The following RPS6KA2 variants were observed in gnomAD, a reference collection of about 807,000 sequenced individuals.
The protein encoded by RPS6KA2 is ribosomal protein S6 kinase alpha-2.
In RPS6KA2, 42 loss-of-function variants were observed where a neutral mutation model predicts 91.8. The observed-to-expected ratio is 0.46, with a 90% CI of 0.36 to 0.59. RPS6KA2 has a LOEUF of 0.59. Ranked by LOEUF, RPS6KA2 falls within the 20% of genes least tolerant of loss-of-function variation. The pLI is 0.00. For missense variants in RPS6KA2, 798 were observed against 978.5 expected (o/e 0.82, Z 2.46); for synonymous variants, 414 against 393.6 (o/e 1.05, Z -0.61).
intron 10 of RPS6KA2, among the ~76,000 whole-genome samples, chr6:166,475,209 C>T (rs2128467187): frequency 1.3e-5 from 2 of 152,198 alleles, no homozygotes; most frequent in Middle Eastern, 6.8e-3. Context: ...TACAGCCACC[C>T]CAGGGTCTTT....
rs963292594 is a variant in RPS6KA2, at chr6:166,839,277, T to A, written c.123+18923A>T. On this transcript the variant is annotated intron_variant, in intron 2 of 21. Coordinates refer to the RPS6KA2 transcript ENST00000503859. ...ATGTTCAAAGTAGCTTCCTGCATTG[T>A]TCCGTGAATTCATGGCTATATATTT... is the stretch of plus-strand genomic sequence containing the variant. Among the ~76,000 whole-genome samples the A allele has an allele frequency of 3.9e-5, 6 of 152,294 alleles. No individual in the cohort carries two copies. In the East Asian group the frequency reaches 1.2e-3, roughly 30 times the overall value.
chr6:166,729,863 T>C (rs1790458345), intron 2 of RPS6KA2, among the ~76,000 whole-genome samples: 1 of 152,180 alleles, frequency 6.6e-6, no homozygotes, highest in Admixed American at 6.5e-5. Context: ...CCACTTCCTG[T>C]GTGTGACGAA....
At chr6:166,558,072 A>G (rs1048911716) in intron 1 of RPS6KA2, among the ~76,000 whole-genome samples, 3 of 151,952 alleles carry the variant, frequency 2.0e-5, no homozygotes, top group Non-Finnish European at 4.4e-5. Flanking sequence ...TTGTATGTGT[A>G]TATATATAGG....
intron 2 of RPS6KA2, among the ~76,000 whole-genome samples, chr6:166,751,351 C>T (rs1225049869): frequency 6.6e-6 from 1 of 152,248 alleles, no homozygotes; most frequent in Non-Finnish European, 1.5e-5. Flanking sequence ...GCCAGGGTCC[C>T]GTCAAACGCA....
intron 2 of RPS6KA2, among the ~76,000 whole-genome samples, chr6:166,829,014 A>G (rs1780113587): frequency 6.6e-6 from 1 of 152,234 alleles, no homozygotes; most frequent in South Asian, 2.1e-4. Context: ...TAACCCAATT[A>G]AAAAATAGCA....
intron 2 of RPS6KA2, among the ~76,000 whole-genome samples, chr6:166,802,053 C>T (rs914887816): frequency 1.3e-4 from 19 of 151,690 alleles, no homozygotes; most frequent in African/African-American, 4.1e-4. Flanking sequence ...GTCAGGAGAT[C>T]GAGACCATCC....
intron 2 of RPS6KA2, among the ~76,000 whole-genome samples, chr6:166,703,641 T>G (rs1789596578): frequency 6.6e-6 from 1 of 152,238 alleles, no homozygotes; most frequent in Non-Finnish European, 1.5e-5. Flanking sequence ...AGTCTTTCTC[T>G]TGGTTGCTCA....
In RPS6KA2 at chr6:166,500,910, T is replaced by G; in HGVS notation, c.581A>C (p.Glu194Ala). ...ACCTGTGATCTTAATGTGCCCCTCT[T>G]CATCCAGGAGGATGCTAAAAGAAAG... ...DLKPENILLD[E>A]EGHIKITDFG... The change falls in exon 7 of 21, where the codon GAA (glutamate) becomes GCA (alanine). Residue 194 changes from glutamate (E) to alanine (A), a missense_variant. Coordinates refer to ENST00000265678, the MANE Select transcript of RPS6KA2 (RefSeq NM_021135.6). This position sits in a 1 kb window ranked among gnomAD's most constrained non-coding sequence, Gnocchi z 4.3. The G allele has an allele frequency of 6.2e-7, 1 of 1,614,032 alleles. No homozygotes were observed. Among genetic ancestry groups the G allele is most frequent in the Non-Finnish European group, 8.5e-7 (1 of 1,179,936 alleles).
intron 2 of RPS6KA2, among the ~76,000 whole-genome samples, chr6:166,818,057 T>C (rs1233615479): frequency 1.3e-5 from 2 of 152,270 alleles, no homozygotes; most frequent in African/African-American, 2.4e-5. Context: ...TGCAGATATA[T>C]TGACATTTCA....
At chr6:166,415,873 C>T (rs1413111202) in intron 19 of RPS6KA2, among the ~76,000 whole-genome samples, 1 of 151,004 alleles carries the variant, frequency 6.6e-6, no homozygotes, top group African/African-American at 2.4e-5. Flanking sequence ...ATCACCCCCA[C>T]CATAATCTTC....
Position 166,726,845 on chromosome 6 carries a change from G to C in RPS6KA2, c.123+131355C>G, listed in dbSNP as rs1457640208. On this transcript the variant is annotated intron_variant, in intron 2 of 21. Transcript: ENST00000503859. The surrounding 1 kb of genome is among the most constrained non-coding windows in gnomAD (Gnocchi z 4.4). ...CACCAGGGAGGTGACGGGTCTCAGG[G>C]AGTGTGTCTGGCGGGTGGGGAGGAA... Among the ~76,000 whole-genome samples, 3 of 152,222 alleles carry C rather than the reference G, an allele frequency of 2.0e-5. No homozygotes were observed. The highest frequency in any genetic ancestry group is 4.8e-5 in the African/African-American group (2 of 41,460).
chr6:166,701,404 T>G, intron 2 of RPS6KA2: 1 of 1,305,194 alleles, frequency 7.7e-7, no homozygotes, highest in Admixed American at 1.7e-5. Flanking sequence ...CGAAGTTTTC[T>G]TCTTTCATTT....
chr6:166,747,246 G>A (rs1470787946), intron 2 of RPS6KA2, among the ~76,000 whole-genome samples: 1 of 152,080 alleles, frequency 6.6e-6, no homozygotes, highest in Non-Finnish European at 1.5e-5. Flanking sequence ...GCTACTCAGG[G>A]GCCCTCAGCC....
intron 2 of RPS6KA2, among the ~76,000 whole-genome samples, chr6:166,641,721 A>C (rs1016070356): frequency 1.5e-4 from 7 of 46,682 alleles, no homozygotes; most frequent in African/African-American, 5.4e-4. Context: ...CTCTGTCACA[A>C]AAAAAAAAAA....
chr6:166,459,323 A>G lies in RPS6KA2; in HGVS notation c.1075+126T>C. ...GAGAAAACAACAACAAAAAACCCAA[A>G]CAGAATGGACAGTTATTTTCCATGA... On this transcript the variant is annotated intron_variant, in intron 12 of 20. Transcript: ENST00000265678. The surrounding 1 kb of genome is among the most constrained non-coding windows in gnomAD (Gnocchi z 4.9). The G allele has an allele frequency of 3.2e-6, 2 of 634,340 alleles. No homozygotes were observed. The highest frequency in any genetic ancestry group is 3.9e-5 in the South Asian group (2 of 51,406). 39.3% of individuals were successfully genotyped at this position (634,340 alleles called of 1,614,324 possible).
intron 7 of RPS6KA2, among the ~76,000 whole-genome samples, chr6:166,499,536 G>C (rs576023783): frequency 2.4e-4 from 37 of 152,218 alleles, no homozygotes; most frequent in Non-Finnish European, 4.7e-4. Flanking sequence ...TGCTATTCTC[G>C]TGACAGTGAA....
intron 1 of RPS6KA2, among the ~76,000 whole-genome samples, chr6:166,552,079 C>G (rs965464753): frequency 3.3e-5 from 5 of 152,224 alleles, no homozygotes; most frequent in Non-Finnish European, 5.9e-5. Context: ...TTTCACCCGC[C>G]TAGAGATCCT....
At chr6:166,679,151 C>A (rs1006116139) in intron 2 of RPS6KA2, among the ~76,000 whole-genome samples, 2 of 152,002 alleles carry the variant, frequency 1.3e-5, no homozygotes, top group Admixed American at 6.6e-5. Context: ...TAAGTCACAA[C>A]AAAAAAATAA....
At chr6:166,611,956 A>G (rs535565796) in intron 1 of RPS6KA2, among the ~76,000 whole-genome samples, 2 of 152,302 alleles carry the variant, frequency 1.3e-5, no homozygotes, top group South Asian at 4.1e-4. Flanking sequence ...GGGCCAAACA[A>G]ACTTAAAAAC....
Sources: gnomAD v4.1 joint callset for allele counts (sites outside exome capture counted in the v4.1 genomes callset) on GRCh38, gnomAD v4.1.1 for gene constraint, Gnocchi (gnomAD v3.1) non-coding constraint, MANE v1.5 for transcripts, NCBI Gene and HGNC (gene_info 2026-07-23, HGNC 2026-07-21) for gene names.